Variants in CRB1 observed in about 807,000 individuals in gnomAD.
CRB1 encodes crumbs cell polarity complex component 1, also known as protein crumbs homolog 1.
CRB1 carries 83 observed loss-of-function variants against 120.0 expected under a neutral mutation model. That is an observed-to-expected ratio of 0.69 (90% confidence interval 0.58 to 0.83). The LOEUF is 0.83. CRB1 is among the 40% of genes least tolerant of loss of function. CRB1 has a pLI of 0.00. For missense variants in CRB1, 1,699 were observed against 1,687.6 expected (o/e 1.01, Z -0.12); for synonymous variants, 625 against 612.5 (o/e 1.02, Z -0.30).
chr1:197,249,287 A>T, the CRB1 span, among the ~76,000 whole-genome samples: 1 of 151,928 alleles, frequency 6.6e-6, no homozygotes, highest in African/African-American at 2.4e-5. Context: ...CTTTTGATGG[A>T]CATACATTTT....
intron 5 of CRB1, among the ~76,000 whole-genome samples, chr1:197,383,622 T>C (rs939455888): frequency 1.3e-5 from 2 of 152,214 alleles, no homozygotes; most frequent in Non-Finnish European, 2.9e-5. Flanking sequence ...AGCTTCCTCC[T>C]GTTGAACACT....
chr1:197,354,749 C>T (rs1042457871), intron 4 of CRB1, among the ~76,000 whole-genome samples: 2 of 137,298 alleles, frequency 1.5e-5, no homozygotes, highest in South Asian at 2.5e-4. Flanking sequence ...CCACAGTGTA[C>T]AACATGACCT....
intron 1 of CRB1, among the ~76,000 whole-genome samples, chr1:197,294,704 C>T (rs923420169): frequency 6.6e-6 from 1 of 152,150 alleles, no homozygotes; most frequent in Non-Finnish European, 1.5e-5. Flanking sequence ...GGCACATATA[C>T]ACCATGGAAT....
the CRB1 span, among the ~76,000 whole-genome samples, chr1:197,209,237 C>T: frequency 6.6e-6 from 1 of 152,248 alleles, no homozygotes; most frequent in Admixed American, 6.5e-5. Context: ...TCCCGATTTG[C>T]TCCCTCTCCC....
intron 1 of CRB1, among the ~76,000 whole-genome samples, chr1:197,281,334 T>C (rs1040447827): frequency 6.6e-6 from 1 of 151,888 alleles, no homozygotes; most frequent in African/African-American, 2.4e-5. Context: ...TTTCTTGTAG[T>C]CAGAGGTTCC....
At chr1:197,238,844 C>CA in the CRB1 span, among the ~76,000 whole-genome samples, 4,220 of 143,254 alleles carry the variant, frequency 0.029, 94 homozygotes, top group Non-Finnish European at 0.049. Context: ...AACTCTGTCT[C>CA]AAAAAAAAAA....
At chr1:197,335,008 A>G (rs1051067261) in intron 2 of CRB1, among the ~76,000 whole-genome samples, 14 of 152,240 alleles carry the variant, frequency 9.2e-5, no homozygotes, top group Non-Finnish European at 1.5e-4. Flanking sequence ...AGGTAGAATG[A>G]TCAAGAAAGT....
At chr1:197,440,185 T>C (rs1422212325) in intron 10 of CRB1, 8 of 152,238 alleles carry the variant, frequency 5.3e-5, no homozygotes, top group Non-Finnish European at 8.8e-5. Context: ...TGCTTCCTGG[T>C]TGAACGTCAC....
chr1:197,240,741 T>C, the CRB1 span, among the ~76,000 whole-genome samples: 1 of 152,358 alleles, frequency 6.6e-6, no homozygotes, highest in East Asian at 1.9e-4. Flanking sequence ...GTAATGGGAT[T>C]GCTGGGTCAA....
chr1:197,252,538 TTATA>T, the CRB1 span, among the ~76,000 whole-genome samples: 736 of 27,704 alleles, frequency 0.027, 14 homozygotes, highest in African/African-American at 0.036. Flanking sequence ...CCAATAGATT[TTATA>T]TATATATATA....
Position 197,438,888 on chromosome 1 carries a change from G to GGGAAAAATGATTTT in CRB1, c.3878+214_3878+227dup. On this transcript the variant is annotated intron_variant, in intron 10 of 11. Transcript: ENST00000367400. ...ATTTTATTAGACAAAACTTCAAATA[G>GGGAAAAATGATTTT]GGAAAAATGATTTTTAAAAAATGTA... 1.0e-5 allele frequency: 5 copies of GGGAAAAATGATTTT among 480,030 alleles called. No homozygotes were observed. In the South Asian group the frequency reaches 1.2e-4, roughly 11 times the overall value. 29.7% of individuals were successfully genotyped at this position (480,030 alleles called of 1,614,324 possible).
chr1:197,305,402 T>C (rs561145889), intron 1 of CRB1, among the ~76,000 whole-genome samples: 48 of 152,260 alleles, frequency 3.2e-4, no homozygotes, highest in African/African-American at 1.1e-3. Flanking sequence ...AAATAGAGTA[T>C]ACATATATGT....
chr1:197,405,262 G>T (rs2125440612), intron 5 of CRB1, among the ~76,000 whole-genome samples: 1 of 152,276 alleles, frequency 6.6e-6, no homozygotes, highest in East Asian at 1.9e-4. Context: ...TTTTTTGGTG[G>T]AGACGGGGTT....
At chr1:197,364,509 C>G (rs951614649) in intron 5 of CRB1, among the ~76,000 whole-genome samples, 2 of 152,172 alleles carry the variant, frequency 1.3e-5, no homozygotes, top group Admixed American at 6.5e-5. Context: ...TTCTGGGACT[C>G]TAATCATACA....
intron 1 of CRB1, among the ~76,000 whole-genome samples, chr1:197,277,844 T>G (rs1415951011): frequency 6.6e-6 from 1 of 151,912 alleles, no homozygotes; most frequent in Non-Finnish European, 1.5e-5. Flanking sequence ...ACCACGTTTT[T>G]TCAAGGCCTA....
At chr1:197,387,182 A>AACTTCC (rs1421575690) in intron 5 of CRB1, among the ~76,000 whole-genome samples, 1 of 151,938 alleles carries the variant, frequency 6.6e-6, no homozygotes, top group Admixed American at 6.6e-5. Flanking sequence ...GGCTCACTTC[A>AACTTCC]ACCTCCACCT....
At chr1:197,406,577 A>C (rs901563740) in intron 5 of CRB1, among the ~76,000 whole-genome samples, 1 of 152,224 alleles carries the variant, frequency 6.6e-6, no homozygotes, top group Non-Finnish European at 1.5e-5. Flanking sequence ...ATCAATAAAA[A>C]AATAAATAAA....
In CRB1 at chr1:197,427,535, T is replaced by A. The variant is rs778790452; in HGVS notation, c.2210T>A (p.Ile737Asn). The change falls in exon 7 of 12, where the codon ATC (isoleucine) becomes AAC (asparagine). Residue 737 changes from isoleucine (I) to asparagine (N), a missense_variant. Transcript: ENST00000367400. The stretch of plus-strand genomic sequence containing the variant: ...CTTGATGAGAGCTATGGAGACACCA[T>A]CAGCCTCTCCATGTTTGTCCGAACG... Reference protein sequence around the residue: ...FTLDESYGDTISLSMFVRTLQ... With the variant: ...FTLDESYGDTNSLSMFVRTLQ... 1.9e-6 allele frequency: 3 copies of A among 1,613,594 alleles called. No homozygotes were observed. In the African/African-American group the frequency reaches 4.0e-5, roughly 22 times the overall value.
intron 1 of CRB1, among the ~76,000 whole-genome samples, chr1:197,325,795 TGAG>T (rs1658461125): frequency 6.6e-6 from 1 of 152,112 alleles, no homozygotes; most frequent in Non-Finnish European, 1.5e-5. Context: ...GAGGATACAA[TGAG>T]GAGTGTTTAT....
Sources: gnomAD v4.1 joint callset for allele counts (sites outside exome capture counted in the v4.1 genomes callset) on GRCh38, gnomAD v4.1.1 for gene constraint, MANE v1.5 for transcripts, NCBI Gene and HGNC (gene_info 2026-07-23, HGNC 2026-07-21) for gene names.